PRKCE: variants seen among roughly 807,000 people sequenced by gnomAD.
PRKCE encodes protein kinase C epsilon.
A neutral mutation model predicts 85.4 loss-of-function variants in PRKCE; 16 were observed. That is an observed-to-expected ratio of 0.19 (90% CI 0.13 to 0.28). The LOEUF (loss-of-function observed/expected upper bound fraction) is 0.28. Among genes scored for constraint, PRKCE ranks in the 10% least tolerant of loss-of-function variants. The pLI, the probability that PRKCE is intolerant of heterozygous loss-of-function variation, is 1.00. For synonymous variants in PRKCE, 388 were observed against 371.5 expected (o/e 1.04, Z -0.51); for missense variants, 573 against 975.2 (o/e 0.59, Z 5.49).
chr2:45,863,728 C>T lies in PRKCE; in HGVS notation c.412+20665C>T, dbSNP rs939498102. 1.3e-4 allele frequency among the ~76,000 whole-genome samples: 20 copies of T among 152,088 alleles called. No homozygotes were observed. The Middle Eastern group carries it at 0.017, about 129-fold the overall frequency. ...GGCCAGCTCTTCCTGGCTCGGAATA[C>T]GGCTTGCAAGCAGAGATGGCTCTTT... On this transcript the variant is annotated intron_variant, in intron 2 of 14. Transcript: ENST00000306156.
Position 46,004,568 on chromosome 2 carries a change from G to C in PRKCE, c.993G>C (p.Gln331His). The C allele has an allele frequency of 1.3e-6, 2 of 1,589,972 alleles. No homozygotes were observed. The highest frequency in any genetic ancestry group is 1.7e-6 in the Non-Finnish European group (2 of 1,175,380). Residue 331 changes from glutamine to histidine, a missense_variant, in exon 8 of 15, where the codon CAG becomes CAC. Physicochemically the swap from Gln to His is conservative, Grantham distance 24. Around this residue, in one of 11 missense-constraint regions of PRKCE, gnomAD observed 117 missense variants for 104.8 expected, o/e 1.12. Coordinates refer to ENST00000306156, the MANE Select transcript of PRKCE (RefSeq NM_005400.3). The surrounding 1 kb of genome is among the most constrained non-coding windows in gnomAD (Gnocchi z 4.1). ...KKLIAGAESP[Q>H]PASGSSPSEE... ...TCATTGCTGGTGCCGAGTCCCCGCAGCCTGCTTCTGGAAGCTCACCATCTG... is the reference window on the plus strand; with the variant it reads ...TCATTGCTGGTGCCGAGTCCCCGCACCCTGCTTCTGGAAGCTCACCATCTG...
intron 9 of PRKCE, among the ~76,000 whole-genome samples, chr2:46,009,893 G>A (rs1309061582): frequency 6.6e-6 from 1 of 152,234 alleles, no homozygotes; most frequent in Non-Finnish European, 1.5e-5. Context: ...TACTGTAACT[G>A]TAAAAATAGT....
chr2:45,899,065 T>A (rs996610214), intron 2 of PRKCE, among the ~76,000 whole-genome samples: 9 of 152,228 alleles, frequency 5.9e-5, no homozygotes, highest in African/African-American at 2.2e-4. Context: ...CAATAGGCCA[T>A]AGCGCCTTCT....
chr2:45,809,709 C>A (rs1438536035), intron 1 of PRKCE, among the ~76,000 whole-genome samples: 14 of 149,534 alleles, frequency 9.4e-5, no homozygotes, highest in Non-Finnish European at 1.8e-4. Flanking sequence ...CATGGTGAAA[C>A]CCTGTCTCAA....
intron 2 of PRKCE, among the ~76,000 whole-genome samples, chr2:45,975,455 A>T (rs1702384561): frequency 6.6e-6 from 1 of 152,074 alleles, no homozygotes; most frequent in Non-Finnish European, 1.5e-5. Flanking sequence ...TGCTCACATG[A>T]CAGAGAGCTC....
intron 1 of PRKCE, among the ~76,000 whole-genome samples, chr2:45,655,337 T>C (rs1417697857): frequency 6.7e-6 from 1 of 148,650 alleles, no homozygotes; most frequent in African/African-American, 2.5e-5. Flanking sequence ...TCCTAAAACG[T>C]TATAAGTTTT....
At chr2:45,839,279 A>T (rs1279292266) in intron 1 of PRKCE, among the ~76,000 whole-genome samples, 1 of 152,138 alleles carries the variant, frequency 6.6e-6, no homozygotes, top group East Asian at 1.9e-4. Flanking sequence ...CTGATAAAGG[A>T]CAAAATGGAT....
At chr2:45,916,543 A>G (rs1697794734) in intron 2 of PRKCE, among the ~76,000 whole-genome samples, 1 of 152,172 alleles carries the variant, frequency 6.6e-6, no homozygotes, top group African/African-American at 2.4e-5. Flanking sequence ...ATTGCACCCA[A>G]TGAAATAAGC....
intron 2 of PRKCE, among the ~76,000 whole-genome samples, chr2:45,904,148 C>G (rs988364518): frequency 6.6e-6 from 1 of 151,994 alleles, no homozygotes; most frequent in Admixed American, 6.6e-5. Context: ...AAGTGATCTG[C>G]CCTCCTCGGC....
chr2:45,764,991 C>G (rs1274338222), intron 1 of PRKCE, among the ~76,000 whole-genome samples: 1 of 152,122 alleles, frequency 6.6e-6, no homozygotes, highest in Non-Finnish European at 1.5e-5. Flanking sequence ...TGCTGAAGGA[C>G]GTGGACCCCA....
chr2:46,066,649 C>T (rs941954694), intron 10 of PRKCE, among the ~76,000 whole-genome samples: 4 of 152,162 alleles, frequency 2.6e-5, no homozygotes, highest in Non-Finnish European at 5.9e-5. Context: ...ATGATCAGAG[C>T]AGGACAGAAG....
At chr2:45,796,818 A>G (rs969722198) in intron 1 of PRKCE, among the ~76,000 whole-genome samples, 1 of 152,152 alleles carries the variant, frequency 6.6e-6, no homozygotes, top group Non-Finnish European at 1.5e-5. Flanking sequence ...GGGTCTCACT[A>G]TGTTACCCAG....
intron 2 of PRKCE, among the ~76,000 whole-genome samples, chr2:45,955,651 C>G (rs1317943302): frequency 2.0e-5 from 3 of 152,214 alleles, no homozygotes; most frequent in Non-Finnish European, 4.4e-5. Context: ...AGATGCTCAT[C>G]TCAAAAACAA....
At chr2:46,083,492 C>G (rs1433484158) in intron 10 of PRKCE, among the ~76,000 whole-genome samples, 1 of 152,160 alleles carries the variant, frequency 6.6e-6, no homozygotes, top group Non-Finnish European at 1.5e-5. Flanking sequence ...CAAGGAAATA[C>G]TCCATTGTTG....
At chr2:45,877,542 G>A (rs1404517036) in intron 2 of PRKCE, among the ~76,000 whole-genome samples, 4 of 151,830 alleles carry the variant, frequency 2.6e-5, no homozygotes, top group Non-Finnish European at 4.4e-5. Flanking sequence ...CTGTTACATC[G>A]AGTTTTTAAA....
chr2:46,051,063 G>A (rs1708827707), intron 10 of PRKCE, among the ~76,000 whole-genome samples: 1 of 152,210 alleles, frequency 6.6e-6, no homozygotes. Context: ...CGTGTCAGGT[G>A]AGAGGAATTA....
intron 1 of PRKCE, among the ~76,000 whole-genome samples, chr2:45,723,199 T>C (rs923972606): frequency 1.3e-5 from 2 of 151,042 alleles, no homozygotes; most frequent in African/African-American, 2.4e-5. Flanking sequence ...CTCCTGGGAC[T>C]TTCAGTCCAC....
At chr2:46,093,794 C>A (rs2103984025) in intron 11 of PRKCE, among the ~76,000 whole-genome samples, 1 of 152,248 alleles carries the variant, frequency 6.6e-6, no homozygotes, top group East Asian at 1.9e-4. Context: ...CTACCCACCT[C>A]CACAGCCCTA....
chr2:45,830,682 A>AC (rs1690350727), intron 1 of PRKCE, among the ~76,000 whole-genome samples: 1 of 56,480 alleles, frequency 1.8e-5, no homozygotes, highest in African/African-American at 1.1e-4. Context: ...ATTTTAGAAT[A>AC]CTAGGATAAA....
Sources: allele counts gnomAD v4.1 joint callset (sites outside exome capture counted in the v4.1 genomes callset), GRCh38; gene constraint gnomAD v4.1.1; regional missense constraint gnomAD v4.1.1; non-coding constraint Gnocchi (gnomAD v3.1); transcripts MANE v1.5; gene names NCBI Gene and HGNC (gene_info 2026-07-23, HGNC 2026-07-21).